Variants in CYP7B1 observed in about 807,000 individuals in gnomAD.
CYP7B1 encodes the protein cytochrome P450 family 7 subfamily B member 1, also known as cytochrome P450 7B1.
Under a neutral mutation model 42.7 loss-of-function variants are expected in CYP7B1, and 29 were observed. That is an observed-to-expected ratio of 0.68 (90% CI 0.51 to 0.93). The LOEUF (loss-of-function observed/expected upper bound fraction) is 0.93, where lower values mean the gene tolerates loss of function less well. Ranked by LOEUF, CYP7B1 falls within the 40% of genes least tolerant of loss-of-function variation. The pLI is 0.00. For synonymous variants in CYP7B1, 235 were observed against 218.2 expected (o/e 1.08, Z -0.68); for missense variants, 655 against 600.5 (o/e 1.09, Z -0.95).
At chr8:64,785,632 C>G (rs1000486795) in intron 1 of CYP7B1, among the ~76,000 whole-genome samples, 2 of 151,774 alleles carry the variant, frequency 1.3e-5, no homozygotes, top group Non-Finnish European at 2.9e-5. Flanking sequence ...TGACTCCAAC[C>G]ATATGACATT....
intron 1 of CYP7B1, among the ~76,000 whole-genome samples, chr8:64,740,291 C>T (rs569445666): frequency 5.3e-5 from 8 of 151,612 alleles, no homozygotes; most frequent in South Asian, 2.1e-4. Flanking sequence ...CACATATTTG[C>T]GAATTAAACA....
intron 1 of CYP7B1, among the ~76,000 whole-genome samples, chr8:64,707,560 A>G (rs1807018822): frequency 6.6e-6 from 1 of 152,140 alleles, no homozygotes; most frequent in African/African-American, 2.4e-5. Flanking sequence ...TGAAAATGGT[A>G]TTCACCTGTC....
chr8:64,676,505 G>A (rs1806448546), intron 1 of CYP7B1, among the ~76,000 whole-genome samples: 1 of 152,052 alleles, frequency 6.6e-6, no homozygotes, highest in African/African-American at 2.4e-5. Flanking sequence ...GATACTTAGG[G>A]TTGAAGTGAA....
At chr8:64,657,977 T>A (rs1005643009) in intron 1 of CYP7B1, among the ~76,000 whole-genome samples, 13 of 152,306 alleles carry the variant, frequency 8.5e-5, no homozygotes, top group African/African-American at 2.9e-4. Flanking sequence ...GATCAAGGCA[T>A]CGTGTAAGGG....
chr8:64,709,080 C>T (rs527550001), intron 1 of CYP7B1, among the ~76,000 whole-genome samples: 4 of 152,274 alleles, frequency 2.6e-5, no homozygotes, highest in African/African-American at 9.6e-5. Flanking sequence ...GAGAAAGGGG[C>T]CGCAGTGCAG....
chr8:64,603,539 A>T (rs1350612818), intron 5 of CYP7B1, among the ~76,000 whole-genome samples: 1 of 152,220 alleles, frequency 6.6e-6, no homozygotes, highest in East Asian at 1.9e-4. Context: ...GATATTGGCT[A>T]TTGGCTATTC....
At chr8:64,739,748 C>T (rs1347179739) in intron 1 of CYP7B1, among the ~76,000 whole-genome samples, 1 of 152,104 alleles carries the variant, frequency 6.6e-6, no homozygotes, top group Non-Finnish European at 1.5e-5. Flanking sequence ...TGAATATTCA[C>T]ATCTTGACAT....
intron 1 of CYP7B1, among the ~76,000 whole-genome samples, chr8:64,734,915 G>C (rs1349699278): frequency 1.3e-5 from 2 of 152,146 alleles, no homozygotes; most frequent in African/African-American, 2.4e-5. Context: ...CCAAGAAAAA[G>C]GAATGGGGAA....
chr8:64,628,678 TAAAAC>T (rs1008054982), intron 1 of CYP7B1, among the ~76,000 whole-genome samples: 8 of 151,584 alleles, frequency 5.3e-5, no homozygotes, highest in Admixed American at 2.6e-4. Flanking sequence ...AAATATAAAA[TAAAAC>T]AAAATGAAAT....
intron 1 of CYP7B1, among the ~76,000 whole-genome samples, chr8:64,677,104 T>G (rs1005097009): frequency 6.6e-6 from 1 of 152,062 alleles, no homozygotes; most frequent in African/African-American, 2.4e-5. Flanking sequence ...ACACGAACAA[T>G]TTGAATTAAG....
intron 1 of CYP7B1, among the ~76,000 whole-genome samples, chr8:64,696,806 A>G (rs1806835903): frequency 6.6e-6 from 1 of 152,152 alleles, no homozygotes; most frequent in Non-Finnish European, 1.5e-5. Flanking sequence ...TTCCTAGGTA[A>G]TTCTTTTATG....
At chr8:64,626,396 G>A (rs781192889) in intron 1 of CYP7B1, among the ~76,000 whole-genome samples, 13 of 152,112 alleles carry the variant, frequency 8.5e-5, no homozygotes, top group Non-Finnish European at 1.8e-4. Flanking sequence ...GTTATCAGAT[G>A]TCAATTAGAC....
Position 64,727,799 on chromosome 8 carries a change from T to A in CYP7B1, c.122+70667A>T, listed in dbSNP as rs115766992. 9.0e-3 allele frequency among the ~76,000 whole-genome samples: 1,370 copies of A among 152,214 alleles called. 20 individuals are homozygous for A. The highest frequency in any genetic ancestry group is 0.031 in the African/African-American group (1,303 of 41,532). ...TGCTTGGACAATTCTAACACAGAAC[T>A]CCAATGGTATCTTCTATTTCAAAAC... is the stretch of plus-strand genomic sequence containing the variant. On this transcript the variant is annotated intron_variant, in intron 1 of 5. Coordinates refer to ENST00000310193, the MANE Select transcript of CYP7B1 (RefSeq NM_004820.5).
intron 1 of CYP7B1, among the ~76,000 whole-genome samples, chr8:64,772,540 G>T (rs141641164): frequency 2.5e-3 from 379 of 152,246 alleles, no homozygotes; most frequent in African/African-American, 8.8e-3. Context: ...TGCAGATTTT[G>T]GACTTGCCAG....
At chr8:64,656,946 A>G (rs1806128825) in intron 1 of CYP7B1, among the ~76,000 whole-genome samples, 1 of 152,198 alleles carries the variant, frequency 6.6e-6, no homozygotes, top group Non-Finnish European at 1.5e-5. Context: ...CTGGTGGCCT[A>G]GGAAGCATCT....
intron 1 of CYP7B1, among the ~76,000 whole-genome samples, chr8:64,642,013 CA>C (rs1805862972): frequency 1.3e-5 from 2 of 152,084 alleles, no homozygotes; most frequent in Admixed American, 1.3e-4. Context: ...AAGAGCTAAA[CA>C]AAAAGCTCTT....
Position 64,624,491 on chromosome 8 carries a change from T to A in CYP7B1, c.171A>T (p.Gly57=), listed in dbSNP as rs372135575. 5.0e-6 allele frequency: 8 copies of A among 1,612,308 alleles called. No homozygotes were observed. The African/African-American group carries it at 9.4e-5, about 19-fold the overall frequency. The change falls in exon 2 of 6, where the codon GGA becomes GGT. Residue 57 remains glycine, a synonymous_variant. Coordinates refer to ENST00000310193, the MANE Select transcript of CYP7B1 (RefSeq NM_004820.5). ...PLIKGWLPYL[G]VVLNLRKDPL... ...GGTCTTTTCGTAAGTTCAGGACCACTCCAAGATAAGGAAGCCAACCTTTTA... is the reference window on the plus strand; with the variant it reads ...GGTCTTTTCGTAAGTTCAGGACCACACCAAGATAAGGAAGCCAACCTTTTA...
chr8:64,740,164 C>A (rs781540409), intron 1 of CYP7B1, among the ~76,000 whole-genome samples: 1 of 151,920 alleles, frequency 6.6e-6, no homozygotes, highest in Non-Finnish European at 1.5e-5. Flanking sequence ...CAAGACAGAC[C>A]ACATCCTGGG....
chr8:64,742,731 C>A (rs945059148), intron 1 of CYP7B1, among the ~76,000 whole-genome samples: 1 of 152,124 alleles, frequency 6.6e-6, no homozygotes, highest in Non-Finnish European at 1.5e-5. Context: ...TCCAGAGGCA[C>A]ACATCCCTTG....
Sources: allele counts gnomAD v4.1 joint callset (sites outside exome capture counted in the v4.1 genomes callset), GRCh38; gene constraint gnomAD v4.1.1; transcripts MANE v1.5; gene names NCBI Gene and HGNC (gene_info 2026-07-23, HGNC 2026-07-21).